MICU1: variants seen among roughly 807,000 people sequenced by gnomAD.
MICU1 encodes mitochondrial calcium uptake 1, also known as calcium uptake protein 1, mitochondrial.
Under a neutral mutation model 56.8 loss-of-function variants are expected in MICU1, and 45 were observed. The ratio of observed to expected loss-of-function variants is 0.79; its 90% CI spans 0.62 to 1.02. The LOEUF (loss-of-function observed/expected upper bound fraction) is 1.02. MICU1 is among the 50% of genes least tolerant of loss of function. MICU1 has a pLI of 0.00. For missense variants in MICU1, 504 were observed against 587.1 expected, an observed-to-expected ratio of 0.86 and a Z score of 1.46; for synonymous variants, 186 against 195.1, an observed-to-expected ratio of 0.95 and a Z score of 0.39.
At chr10:72,622,254 AC>A (rs67430003) in intron 1 of MICU1, among the ~76,000 whole-genome samples, 82,383 of 149,156 alleles carry the variant, frequency 0.55, 23,843 homozygotes, top group Non-Finnish European at 0.66. Context: ...AAAAAAAAAA[AC>A]ATGAAAATTA....
At chr10:72,432,267 A>T (rs1864560808) in intron 8 of MICU1, among the ~76,000 whole-genome samples, 1 of 151,820 alleles carries the variant, frequency 6.6e-6, no homozygotes, top group Non-Finnish European at 1.5e-5. Flanking sequence ...CTATGTTTCT[A>T]AAAAATTTAA....
At chr10:72,592,730 C>G (rs1043399623) in intron 1 of MICU1, among the ~76,000 whole-genome samples, 3 of 151,408 alleles carry the variant, frequency 2.0e-5, no homozygotes, top group African/African-American at 7.3e-5. Flanking sequence ...TCTACATGGT[C>G]ATCTCAATTC....
chr10:72,547,302 G>A (rs959867204), intron 4 of MICU1, among the ~76,000 whole-genome samples: 2 of 152,030 alleles, frequency 1.3e-5, no homozygotes, highest in African/African-American at 4.8e-5. Flanking sequence ...GCCTCCCAAA[G>A]TGCTAGGATT....
intron 9 of MICU1, among the ~76,000 whole-genome samples, chr10:72,414,793 G>A (rs552730080): frequency 1.3e-5 from 2 of 152,100 alleles, no homozygotes; most frequent in South Asian, 2.1e-4. Context: ...GCTGTAAAGC[G>A]AGATATCTAA....
At chr10:72,587,023 T>C (rs7923315) in intron 1 of MICU1, among the ~76,000 whole-genome samples, 91,893 of 152,010 alleles carry the variant, frequency 0.6, 29,315 homozygotes, top group African/African-American at 0.72. Flanking sequence ...AGGGCATGAC[T>C]TCTCATGCTC....
At chr10:72,543,190 C>T (rs895929277) in intron 4 of MICU1, among the ~76,000 whole-genome samples, 7 of 152,092 alleles carry the variant, frequency 4.6e-5, no homozygotes, top group Non-Finnish European at 7.4e-5. Context: ...AGGGACCTGC[C>T]CTGTCTGCCT....
intron 1 of MICU1, among the ~76,000 whole-genome samples, chr10:72,574,028 A>G (rs1219123886): frequency 6.6e-6 from 1 of 152,028 alleles, no homozygotes; most frequent in Non-Finnish European, 1.5e-5. Flanking sequence ...TTACCCCCTT[A>G]TATTTCTGAC....
intron 8 of MICU1, among the ~76,000 whole-genome samples, chr10:72,461,033 C>T (rs531262181): frequency 3.2e-4 from 49 of 152,120 alleles, no homozygotes; most frequent in Admixed American, 9.2e-4. Context: ...CCAAGCTGAT[C>T]TAGAGGCCAA....
intron 9 of MICU1, among the ~76,000 whole-genome samples, chr10:72,417,402 C>T (rs1004684070): frequency 1.1e-4 from 16 of 146,742 alleles, no homozygotes; most frequent in Non-Finnish European, 2.1e-4. Flanking sequence ...TGCAGTGAGC[C>T]GAGATCAGGC....
intron 8 of MICU1, among the ~76,000 whole-genome samples, chr10:72,470,754 T>C (rs940794119): frequency 2.0e-5 from 3 of 152,176 alleles, no homozygotes; most frequent in South Asian, 4.1e-4. Context: ...ACTAGACTTA[T>C]GCCATGATAT....
chr10:72,621,794 A>G (rs1842111378), intron 1 of MICU1, among the ~76,000 whole-genome samples: 1 of 152,228 alleles, frequency 6.6e-6, no homozygotes, highest in African/African-American at 2.4e-5. Context: ...ACACACTGGA[A>G]GAGTGTAAAT....
intron 10 of MICU1, among the ~76,000 whole-genome samples, chr10:72,405,580 A>AT (rs1428359691): frequency 2.0e-5 from 3 of 152,082 alleles, no homozygotes; most frequent in Non-Finnish European, 4.4e-5. Flanking sequence ...ACATTACAAA[A>AT]AAAAAAAAAA....
At chr10:72,552,694 A>G (rs1362838386) in intron 3 of MICU1, among the ~76,000 whole-genome samples, 1 of 152,064 alleles carries the variant, frequency 6.6e-6, no homozygotes, top group Non-Finnish European at 1.5e-5. Flanking sequence ...AGCTTGGATT[A>G]CAGGTGCCGG....
intron 10 of MICU1, among the ~76,000 whole-genome samples, chr10:72,383,973 T>C (rs1344656030): frequency 6.6e-6 from 1 of 151,820 alleles, no homozygotes; most frequent in Non-Finnish European, 1.5e-5. Flanking sequence ...GGTTTTGCAT[T>C]TTTAAACAAT....
At chr10:72,599,243 A>G (rs987896703) in intron 1 of MICU1, among the ~76,000 whole-genome samples, 6 of 152,260 alleles carry the variant, frequency 3.9e-5, no homozygotes, top group African/African-American at 1.2e-4. Flanking sequence ...AATAATGTGT[A>G]TAACAATGAA....
chr10:72,420,134 A>C (rs1430463702), intron 9 of MICU1, among the ~76,000 whole-genome samples: 1 of 152,046 alleles, frequency 6.6e-6, no homozygotes, highest in Non-Finnish European at 1.5e-5. Context: ...ATCTCGGCTC[A>C]CCGCAACCTC....
At chr10:72,620,081 A>G (rs1564515976) in intron 1 of MICU1, among the ~76,000 whole-genome samples, 1 of 152,332 alleles carries the variant, frequency 6.6e-6, no homozygotes, top group East Asian at 1.9e-4. Context: ...TCCCATACTC[A>G]AAGAACAAAC....
At chr10:72,597,846 T>G (rs534961116) in intron 1 of MICU1, among the ~76,000 whole-genome samples, 214 of 152,300 alleles carry the variant, frequency 1.4e-3, no homozygotes, top group Non-Finnish European at 2.6e-3. Context: ...CTGTGTGTTG[T>G]GCGCCTGTGT....
At chr10:72,606,388 T>C (rs569614284) in intron 1 of MICU1, among the ~76,000 whole-genome samples, 1 of 151,442 alleles carries the variant, frequency 6.6e-6, no homozygotes, top group East Asian at 2.0e-4. Flanking sequence ...GTGGTGGACG[T>C]CTGTAATTCC....
Sources: allele counts gnomAD v4.1 joint callset (sites outside exome capture counted in the v4.1 genomes callset), GRCh38; gene constraint gnomAD v4.1.1; transcripts MANE v1.5; gene names NCBI Gene and HGNC (gene_info 2026-07-23, HGNC 2026-07-21).